KIAA1328: variants seen among roughly 807,000 people sequenced by gnomAD.
KIAA1328 encodes the protein protein hinderin.
Under a neutral mutation model 68.1 loss-of-function variants are expected in KIAA1328, and 52 were observed. The ratio of observed to expected loss-of-function variants is 0.76; its 90% CI spans 0.61 to 0.96. The LOEUF (loss-of-function observed/expected upper bound fraction) is 0.96. KIAA1328 is among the 40% of genes least tolerant of loss of function. The pLI is 0.00. For synonymous variants in KIAA1328, 232 were observed against 239.4 expected (o/e 0.97, Z 0.28); for missense variants, 641 against 677.6 (o/e 0.95, Z 0.60).
chr18:36,851,426 T>A (rs921090694), intron 4 of KIAA1328, among the ~76,000 whole-genome samples: 1 of 152,062 alleles, frequency 6.6e-6, no homozygotes, highest in Non-Finnish European at 1.5e-5. Context: ...TGAAGCCATC[T>A]GGTCCCTGGA....
intron 5 of KIAA1328, among the ~76,000 whole-genome samples, chr18:36,930,328 C>G (rs1401904635): frequency 2.6e-5 from 4 of 152,062 alleles, no homozygotes; most frequent in Non-Finnish European, 5.9e-5. Flanking sequence ...TTCAGTTTAC[C>G]TGATTGCCTT....
chr18:37,039,663 G>A (rs1203918013), intron 6 of KIAA1328, among the ~76,000 whole-genome samples: 2 of 152,122 alleles, frequency 1.3e-5, no homozygotes, highest in East Asian at 1.9e-4. Flanking sequence ...CGCCCGCCTC[G>A]GCCTCCCAGA....
chr18:36,831,030 A>G (rs556124623), intron 1 of KIAA1328, among the ~76,000 whole-genome samples: 2 of 152,360 alleles, frequency 1.3e-5, no homozygotes, highest in South Asian at 4.1e-4. Flanking sequence ...AAGCATAATG[A>G]TAGTTATTAA....
At chr18:37,097,941 T>C (rs2057464280) in intron 7 of KIAA1328, among the ~76,000 whole-genome samples, 1 of 152,198 alleles carries the variant, frequency 6.6e-6, no homozygotes. Context: ...GAGACTTTGC[T>C]GAAGTTGCTT....
chr18:37,138,174 A>G (rs1170487029), intron 7 of KIAA1328, among the ~76,000 whole-genome samples: 3 of 152,216 alleles, frequency 2.0e-5, no homozygotes, highest in Admixed American at 2.0e-4. Flanking sequence ...GCATTCTTTT[A>G]TACATCTTAT....
At chr18:37,064,313 G>A (rs1225155924) in intron 6 of KIAA1328, among the ~76,000 whole-genome samples, 1 of 151,930 alleles carries the variant, frequency 6.6e-6, no homozygotes, top group Non-Finnish European at 1.5e-5. Flanking sequence ...TTTTATCATA[G>A]GATAAGAAAC....
chr18:36,949,595 G>GCCCCCCCCCCC (rs1241515530), intron 5 of KIAA1328, among the ~76,000 whole-genome samples: 1 of 38,974 alleles, frequency 2.6e-5, no homozygotes, highest in Non-Finnish European at 4.9e-5. Context: ...TTTCTACCCA[G>GCCCCCCCCCCC]CTCCCCCCCC....
intron 5 of KIAA1328, chr18:36,902,510 G>C (rs2049075166): frequency 6.6e-6 from 1 of 152,114 alleles, no homozygotes; most frequent in Non-Finnish European, 1.5e-5. Flanking sequence ...AAGGAGGTGT[G>C]TTTTAAGTGC....
chr18:37,067,711 C>T (rs1334058892), intron 7 of KIAA1328, among the ~76,000 whole-genome samples, 166 bp downstream of exon 7: 1 of 152,124 alleles, frequency 6.6e-6, no homozygotes, highest in Non-Finnish European at 1.5e-5. Context: ...AGGCGCCCGC[C>T]ACCATGCCCG....
At chr18:37,020,528 A>G (rs1009882383) in intron 6 of KIAA1328, among the ~76,000 whole-genome samples, 3 of 152,254 alleles carry the variant, frequency 2.0e-5, no homozygotes, top group African/African-American at 4.8e-5. Context: ...AATACTGTAT[A>G]TAAATTTAGA....
At chr18:37,194,551 T>G (rs1261175068) in intron 9 of KIAA1328, among the ~76,000 whole-genome samples, 5 of 152,224 alleles carry the variant, frequency 3.3e-5, no homozygotes, top group Non-Finnish European at 7.4e-5. Flanking sequence ...AGGCAGAAAA[T>G]TCTCCCATAC....
chr18:36,972,358 AGT>A (rs2052260044), intron 6 of KIAA1328, among the ~76,000 whole-genome samples: 1 of 152,046 alleles, frequency 6.6e-6, no homozygotes, highest in African/African-American at 2.4e-5. Context: ...CTTTAGGTGC[AGT>A]GTTTTTTATA....
At chr18:37,104,864 A>G (rs911889345) in intron 7 of KIAA1328, among the ~76,000 whole-genome samples, 1 of 152,212 alleles carries the variant, frequency 6.6e-6, no homozygotes, top group African/African-American at 2.4e-5. Flanking sequence ...ACAGTATCAT[A>G]CACTATTGCT....
At position 37,224,082 on chromosome 18, in the gene KIAA1328, C is replaced by A. The variant is rs1185759596; in HGVS notation, c.*1855C>A. On this transcript the variant is annotated 3_prime_UTR_variant, in exon 10 of 10. Coordinates refer to ENST00000280020, the MANE Select transcript of KIAA1328 (RefSeq NM_020776.3). ...GGGTGGATGGCAAACTAAGAGCCCTCAGCCATTTTTTCAGTTAAAGTTAGG... is the reference window on the plus strand; with the variant it reads ...GGGTGGATGGCAAACTAAGAGCCCTAAGCCATTTTTTCAGTTAAAGTTAGG... The A allele has an allele frequency of 9.1e-6, 9 of 985,248 alleles. No homozygotes were observed. The highest frequency in any genetic ancestry group is 1.1e-5 in the Non-Finnish European group (9 of 829,938). 61.0% of individuals were successfully genotyped at this position (985,248 alleles called of 1,614,324 possible). A position where few individuals can be genotyped will look rare whatever the true frequency, so the allele number is the denominator to read the frequency against.
intron 7 of KIAA1328, among the ~76,000 whole-genome samples, chr18:37,150,146 T>C (rs573374466): frequency 5.3e-5 from 8 of 152,110 alleles, no homozygotes; most frequent in Non-Finnish European, 1.2e-4. Context: ...TACACACCCA[T>C]CAAAACTTCA....
intron 5 of KIAA1328, among the ~76,000 whole-genome samples, chr18:36,900,089 A>T (rs983113325): frequency 2.0e-5 from 3 of 151,954 alleles, no homozygotes; most frequent in African/African-American, 7.2e-5. Context: ...ACCACTATAT[A>T]CTTTCATTTC....
chr18:37,048,821 A>G (rs1599079790), intron 6 of KIAA1328, among the ~76,000 whole-genome samples: 1 of 152,194 alleles, frequency 6.6e-6, no homozygotes. Flanking sequence ...AATACATTTT[A>G]AGATAAGTTA....
chr18:36,935,346 C>T (rs2050460156), intron 5 of KIAA1328, among the ~76,000 whole-genome samples: 1 of 152,182 alleles, frequency 6.6e-6, no homozygotes, highest in South Asian at 2.1e-4. Context: ...GATGTGAAGT[C>T]ACTTAATAAA....
chr18:37,061,927 C>G (rs1055174739), intron 6 of KIAA1328, among the ~76,000 whole-genome samples: 3 of 152,108 alleles, frequency 2.0e-5, no homozygotes, highest in Admixed American at 2.0e-4. Context: ...AAATATAGCT[C>G]TTTCCTTCAA....
Sources: gnomAD v4.1 joint callset for allele counts (sites outside exome capture counted in the v4.1 genomes callset) on GRCh38, gnomAD v4.1.1 for gene constraint, MANE v1.5 for transcripts, NCBI Gene and HGNC (gene_info 2026-07-23, HGNC 2026-07-21) for gene names.